Variants in MAP4K3 observed in about 807,000 individuals in gnomAD.
MAP4K3 encodes MAPK/ERK kinase kinase kinase 3.
Under a neutral mutation model 143.5 loss-of-function variants are expected in MAP4K3, and 94 were observed. The observed-to-expected ratio is 0.65, with a 90% CI of 0.55 to 0.78. The LOEUF (loss-of-function observed/expected upper bound fraction) is 0.78. Ranked by LOEUF, MAP4K3 falls within the 30% of genes least tolerant of loss-of-function variation. The pLI, the probability that MAP4K3 is intolerant of heterozygous loss-of-function variation, is 0.00. For synonymous variants in MAP4K3, 416 were observed against 347.2 expected, an observed-to-expected ratio of 1.20 and a Z score of -2.20; for missense variants, 1,077 against 1,068.1, an observed-to-expected ratio of 1.01 and a Z score of -0.12.
intron 15 of MAP4K3, among the ~76,000 whole-genome samples, chr2:39,302,231 A>T (rs1476201839): frequency 6.6e-6 from 1 of 152,220 alleles, no homozygotes; most frequent in Non-Finnish European, 1.5e-5. Context: ...TCATGTCCCA[A>T]GTCTTACCAG....
intron 12 of MAP4K3, chr2:39,323,397 G>GCACC (rs1362594130): frequency 6.6e-6 from 1 of 152,136 alleles, no homozygotes; most frequent in Non-Finnish European, 1.5e-5. Flanking sequence ...CAAGTACATA[G>GCACC]GGTGAGGTAA....
At chr2:39,283,296 C>G (rs1437169359) in intron 21 of MAP4K3, among the ~76,000 whole-genome samples, 1 of 152,192 alleles carries the variant, frequency 6.6e-6, no homozygotes, top group Non-Finnish European at 1.5e-5. Flanking sequence ...CTGGTTCTTT[C>G]TAGTCTCACA....
chr2:39,417,471 G>A (rs1052414909), intron 1 of MAP4K3, among the ~76,000 whole-genome samples: 7 of 151,922 alleles, frequency 4.6e-5, no homozygotes, highest in Admixed American at 2.0e-4. Flanking sequence ...CACCCCCTCC[G>A]TCTCCCAAAG....
At chr2:39,284,603 TG>T (rs1681682956) in intron 21 of MAP4K3, among the ~76,000 whole-genome samples, 1 of 151,960 alleles carries the variant, frequency 6.6e-6, no homozygotes, top group Non-Finnish European at 1.5e-5. Flanking sequence ...CCCAGCACTT[TG>T]GGAGGCTGAG....
At chr2:39,346,489 G>C (rs1478321363) in intron 3 of MAP4K3, among the ~76,000 whole-genome samples, 1 of 152,080 alleles carries the variant, frequency 6.6e-6, no homozygotes, top group Admixed American at 6.5e-5. Context: ...AGCTCTCCCA[G>C]CATATCACTT....
At chr2:39,268,403 C>G (rs1680861993) in intron 26 of MAP4K3, among the ~76,000 whole-genome samples, 1 of 151,914 alleles carries the variant, frequency 6.6e-6, no homozygotes, top group East Asian at 1.9e-4. Context: ...TCACTGCAAC[C>G]TCCGCCTCCC....
intron 6 of MAP4K3, among the ~76,000 whole-genome samples, chr2:39,333,885 C>T (rs1262574081): frequency 6.6e-6 from 1 of 151,856 alleles, no homozygotes; most frequent in Non-Finnish European, 1.5e-5. Context: ...ACACTATCAC[C>T]ACACTATAAT....
chr2:39,415,441 A>G (rs1030593146), intron 1 of MAP4K3, among the ~76,000 whole-genome samples: 2 of 152,192 alleles, frequency 1.3e-5, no homozygotes, highest in African/African-American at 4.8e-5. Context: ...ACGGAATTAA[A>G]TGCCCTTAAA....
At chr2:39,282,461 A>G in intron 22 of MAP4K3, 52 bp downstream of exon 22, 1 of 1,426,478 alleles carries the variant, frequency 7.0e-7, no homozygotes. Context: ...CAAAGATAAC[A>G]CACACAAGTG....
intron 3 of MAP4K3, among the ~76,000 whole-genome samples, chr2:39,348,751 G>A (rs1348269211): frequency 6.6e-6 from 1 of 152,008 alleles, no homozygotes; most frequent in Non-Finnish European, 1.5e-5. Context: ...ATAAGAAACA[G>A]AAAATTAAGT....
chr2:39,308,199 A>G (rs962672495), intron 14 of MAP4K3, among the ~76,000 whole-genome samples, 194 bp from the exon 15 acceptor site: 1 of 152,198 alleles, frequency 6.6e-6, no homozygotes, highest in African/African-American at 2.4e-5. Context: ...TGCAGTTACT[A>G]AATTAGTACA....
chr2:39,436,787 C>T (rs544731965), intron 1 of MAP4K3, 105 bp downstream of exon 1: 2 of 960,054 alleles, frequency 2.1e-6, no homozygotes, highest in East Asian at 5.5e-5. Flanking sequence ...CGACTGCTCC[C>T]TGGCGCCAGC....
chr2:39,335,144 A>G (rs1683824719), intron 6 of MAP4K3, among the ~76,000 whole-genome samples: 2 of 152,210 alleles, frequency 1.3e-5, no homozygotes, highest in African/African-American at 4.8e-5. Context: ...GGAGAAATGC[A>G]TGGGTCAGAC....
chr2:39,344,949 G>A (rs144278209), intron 3 of MAP4K3, among the ~76,000 whole-genome samples: 1 of 152,274 alleles, frequency 6.6e-6, no homozygotes, highest in African/African-American at 2.4e-5. Flanking sequence ...ACAATCCTAT[G>A]TTTACTAGCT....
chr2:39,359,727 C>T (rs1665712736), intron 2 of MAP4K3, among the ~76,000 whole-genome samples: 1 of 152,264 alleles, frequency 6.6e-6, no homozygotes, highest in Non-Finnish European at 1.5e-5. Flanking sequence ...CACCTGTGAG[C>T]TCAATACCAC....
intron 2 of MAP4K3, among the ~76,000 whole-genome samples, chr2:39,365,104 A>C (rs1665884151): frequency 6.6e-6 from 1 of 152,184 alleles, no homozygotes; most frequent in South Asian, 2.1e-4. Context: ...AAAGAAATAT[A>C]CTTGGGATAA....
intron 2 of MAP4K3, among the ~76,000 whole-genome samples, chr2:39,359,950 T>C (rs1665720458): frequency 6.6e-6 from 1 of 152,242 alleles, no homozygotes; most frequent in African/African-American, 2.4e-5. Context: ...CAAAAGTCTC[T>C]GAAATGCCCT....
intron 1 of MAP4K3, among the ~76,000 whole-genome samples, chr2:39,382,643 T>G (rs772022183): frequency 3.3e-5 from 5 of 152,166 alleles, no homozygotes; most frequent in Admixed American, 6.5e-5. Flanking sequence ...TATATAAAAA[T>G]CATATAAAGA....
At chr2:39,384,972 G>C (rs1333439032) in intron 1 of MAP4K3, among the ~76,000 whole-genome samples, 1 of 152,144 alleles carries the variant, frequency 6.6e-6, no homozygotes, top group Non-Finnish European at 1.5e-5. Context: ...TTCTTTTTGA[G>C]AATGCCATAT....
Sources: allele counts gnomAD v4.1 joint callset (sites outside exome capture counted in the v4.1 genomes callset), GRCh38; gene constraint gnomAD v4.1.1; transcripts MANE v1.5; gene names NCBI Gene and HGNC (gene_info 2026-07-23, HGNC 2026-07-21).